The following BLTP3A variants were observed in gnomAD, a reference collection of about 807,000 sequenced individuals.
BLTP3A encodes ICBP90 binding protein 1.
chr6:34,823,893 G>A, the BLTP3A span, among the ~76,000 whole-genome samples: 1 of 151,896 alleles, frequency 6.6e-6, no homozygotes, highest in Non-Finnish European at 1.5e-5. Context: ...TGTGCATGTG[G>A]ACACTATAGT....
At chr6:34,824,375 A>G in the BLTP3A span, among the ~76,000 whole-genome samples, 1 of 151,858 alleles carries the variant, frequency 6.6e-6, no homozygotes, top group Non-Finnish European at 1.5e-5. Flanking sequence ...TCTACTAAAA[A>G]TAAAAACTCC....
the BLTP3A span, chr6:34,871,537 G>A: frequency 6.4e-7 from 1 of 1,570,904 alleles, no homozygotes; most frequent in Non-Finnish European, 8.7e-7. Context: ...GTGTTAAATT[G>A]CTCTGAGCTG....
At chr6:34,845,361 T>G in the BLTP3A span, among the ~76,000 whole-genome samples, 1 of 151,888 alleles carries the variant, frequency 6.6e-6, no homozygotes, top group Non-Finnish European at 1.5e-5. Context: ...TTGTTTGTTT[T>G]TTGTGGTTCC....
chr6:34,864,335 GAGAC>G, the BLTP3A span: 15 of 942,332 alleles, frequency 1.6e-5, no homozygotes, highest in Admixed American at 1.4e-4. Flanking sequence ...CAAAAAAAGA[GAGAC>G]AGAGAAATTT....
At chr6:34,871,596 C>T in the BLTP3A span, 45 of 1,612,802 alleles carry the variant, frequency 2.8e-5, 1 homozygote, top group African/African-American at 5.5e-4. Flanking sequence ...TGATATCCCC[C>T]CCATCTATCC....
At chr6:34,864,005 G>A in the BLTP3A span, 32 of 1,586,688 alleles carry the variant, frequency 2.0e-5, no homozygotes, top group Non-Finnish European at 2.7e-5. Flanking sequence ...TAAACAGGGA[G>A]CCCATGGCCA....
chr6:34,859,466 TGGACCTCACCAA>T, the BLTP3A span: 1 of 1,614,204 alleles, frequency 6.2e-7, no homozygotes, highest in Non-Finnish European at 8.5e-7. Flanking sequence ...CATGCCACCA[TGGACCTCACCAA>T]GGAAGCTGTG....
the BLTP3A span, chr6:34,872,305 T>C: frequency 1.2e-6 from 2 of 1,601,854 alleles, no homozygotes; most frequent in African/African-American, 1.4e-5. Flanking sequence ...CTACTTATTG[T>C]TCCTCAGGTG....
At chr6:34,804,076 A>G in the BLTP3A span, among the ~76,000 whole-genome samples, 2 of 152,148 alleles carry the variant, frequency 1.3e-5, no homozygotes, top group Non-Finnish European at 2.9e-5. Flanking sequence ...GAGCCTCAGT[A>G]AATCCCCACA....
At chr6:34,851,413 C>T in the BLTP3A span, among the ~76,000 whole-genome samples, 4 of 152,154 alleles carry the variant, frequency 2.6e-5, no homozygotes, top group Non-Finnish European at 4.4e-5. Flanking sequence ...CCTTGGTGGT[C>T]TTGGGTAAGA....
At chr6:34,833,088 A>G in the BLTP3A span, among the ~76,000 whole-genome samples, 132 of 152,296 alleles carry the variant, frequency 8.7e-4, no homozygotes, top group South Asian at 3.5e-3. Flanking sequence ...TGGGAAGCAC[A>G]GTTGATCCTT....
chr6:34,858,521 TC>T, the BLTP3A span: 2 of 1,613,988 alleles, frequency 1.2e-6, no homozygotes, highest in Non-Finnish European at 1.7e-6. Flanking sequence ...GTAGCCCCCT[TC>T]CCCCTGTCCA....
the BLTP3A span, chr6:34,821,428 C>G: frequency 2.6e-6 from 1 of 388,532 alleles, no homozygotes; most frequent in Non-Finnish European, 4.6e-6. Context: ...ATGGTGTGGT[C>G]TGAGTGCATT....
chr6:34,793,893 G>A, the BLTP3A span, among the ~76,000 whole-genome samples: 8 of 150,408 alleles, frequency 5.3e-5, no homozygotes, highest in Non-Finnish European at 8.8e-5. Flanking sequence ...CTCTAAAATG[G>A]GGATAAGAAC....
At chr6:34,809,193 G>A in the BLTP3A span, among the ~76,000 whole-genome samples, 1 of 152,066 alleles carries the variant, frequency 6.6e-6, no homozygotes, top group Non-Finnish European at 1.5e-5. Flanking sequence ...AGGAGTTTGA[G>A]ACCAGCTTGG....
At chr6:34,844,227 C>T in the BLTP3A span, among the ~76,000 whole-genome samples, 1 of 151,944 alleles carries the variant, frequency 6.6e-6, no homozygotes, top group African/African-American at 2.4e-5. Flanking sequence ...TGTGATCCAC[C>T]CACCTTGGCC....
At chr6:34,855,783 C>A in the BLTP3A span, 1 of 1,594,122 alleles carries the variant, frequency 6.3e-7, no homozygotes, top group Non-Finnish European at 8.6e-7. Flanking sequence ...TCCCTGACCG[C>A]TTAACAGGAG....
chr6:34,863,438 C>A, the BLTP3A span, among the ~76,000 whole-genome samples: 5 of 152,122 alleles, frequency 3.3e-5, no homozygotes, highest in African/African-American at 1.2e-4. Flanking sequence ...TATGCCATTG[C>A]CTATAGAATA....
chr6:34,820,814 ATTTTTTT>A, the BLTP3A span, among the ~76,000 whole-genome samples: 37 of 102,800 alleles, frequency 3.6e-4, no homozygotes, highest in African/African-American at 1.8e-3. Context: ...ACCATGCCTA[ATTTTTTT>A]TTTTTTTTTT....
Sources: allele counts gnomAD v4.1 joint callset (sites outside exome capture counted in the v4.1 genomes callset), GRCh38; gene constraint gnomAD v4.1.1; transcripts MANE v1.5; gene names NCBI Gene and HGNC (gene_info 2026-07-23, HGNC 2026-07-21).